ABCC1: variants seen among roughly 807,000 people sequenced by gnomAD.
The protein encoded by ABCC1 is ATP binding cassette subfamily C member 1 (ABCC1 blood group).
Under a neutral mutation model 172.9 loss-of-function variants are expected in ABCC1, and 83 were observed. The observed-to-expected ratio is 0.48, with a 90% CI of 0.40 to 0.58. ABCC1 has a LOEUF of 0.58. ABCC1 is among the 20% of genes least tolerant of loss of function. The pLI, the probability that ABCC1 is intolerant of heterozygous loss-of-function variation, is 0.00. For missense variants in ABCC1, 1,817 were observed against 2,002.7 expected (o/e 0.91, Z 1.77); for synonymous variants, 937 against 825.2 (o/e 1.14, Z -2.32).
At chr16:16,004,323 T>C (rs1281666758) in intron 1 of ABCC1, among the ~76,000 whole-genome samples, 2 of 152,168 alleles carry the variant, frequency 1.3e-5, no homozygotes, top group African/African-American at 4.8e-5. Context: ...CATAACTGCA[T>C]ATGTCAAGTC....
chr16:16,083,442 A>G lies in ABCC1; in HGVS notation c.2192A>G (p.Gln731Arg). 1 of 1,613,982 alleles carries G rather than the reference A, an allele frequency of 6.2e-7. No individual in the cohort carries two copies. The highest frequency in any genetic ancestry group is 8.5e-7 in the Non-Finnish European group (1 of 1,180,042). ...SLRENILFGC[Q>R]LEEPYYRSVI... Reference sequence around the variant, plus strand: ...CGAGAAAACATCCTTTTTGGATGTCAGCTGGAGGAACCATATTACAGGTCC... The same window carrying G: ...CGAGAAAACATCCTTTTTGGATGTCGGCTGGAGGAACCATATTACAGGTCC... Residue 731 changes from glutamine (Q) to arginine (R), a missense_variant, in exon 17 of 31, where the codon CAG becomes CGG. Coordinates refer to ENST00000399410, the MANE Select transcript of ABCC1 (RefSeq NM_004996.4).
intron 11 of ABCC1, among the ~76,000 whole-genome samples, chr16:16,053,662 C>T (rs1311016970): frequency 6.6e-6 from 1 of 151,168 alleles, no homozygotes; most frequent in East Asian, 1.9e-4. Context: ...TGATGCGTGC[C>T]TGTAGTCCCA....
At chr16:16,060,949 TG>T (rs1428144698) in intron 12 of ABCC1, among the ~76,000 whole-genome samples, 1 of 152,166 alleles carries the variant, frequency 6.6e-6, no homozygotes, top group African/African-American at 2.4e-5. Context: ...CCTGAGTAGC[TG>T]GGATTACAGG....
At chr16:15,949,411 G>A (rs2045796194), upstream of ABCC1, among the ~76,000 whole-genome samples, 1 of 151,724 alleles carries the variant, frequency 6.6e-6, no homozygotes, top group Admixed American at 6.6e-5. Flanking sequence ...GCGAGCGGGT[G>A]GGCCTAAGCC....
At chr16:15,972,432 G>T (rs537804194) in intron 1 of ABCC1, among the ~76,000 whole-genome samples, 7 of 152,294 alleles carry the variant, frequency 4.6e-5, no homozygotes, top group Non-Finnish European at 1.0e-4. Context: ...GTGATGCAGG[G>T]TTGTTAGGAC....
Position 16,091,314 on chromosome 16 carries a change from C to T in ABCC1, c.2644+726C>T, listed in dbSNP as rs192157488. On this transcript the variant is annotated intron_variant, in intron 19 of 30. Coordinates refer to ENST00000399410, the MANE Select transcript of ABCC1 (RefSeq NM_004996.4). ...GCACAGTGGCTCACGCCTGTAATCC[C>T]AGCACTTTGGGAGGCCGTGGTGGGT... 1.8e-4 allele frequency among the ~76,000 whole-genome samples: 27 copies of T among 150,136 alleles called. No individual in the cohort carries two copies. In the East Asian group the frequency reaches 5.3e-3, roughly 29 times the overall value.
intron 26 of ABCC1, among the ~76,000 whole-genome samples, chr16:16,131,282 T>C (rs1055468504): frequency 6.6e-6 from 1 of 152,250 alleles, no homozygotes; most frequent in African/African-American, 2.4e-5. Flanking sequence ...AAGGTATCTC[T>C]GACCTACTGA....
chr16:15,983,272 G>C (rs2046669283), intron 1 of ABCC1, among the ~76,000 whole-genome samples: 1 of 152,142 alleles, frequency 6.6e-6, no homozygotes, highest in Admixed American at 6.5e-5. Flanking sequence ...CAAAGGCCCT[G>C]AGTCATGAAG....
At chr16:15,983,094 T>A (rs2046664845) in intron 1 of ABCC1, among the ~76,000 whole-genome samples, 1 of 152,048 alleles carries the variant, frequency 6.6e-6, no homozygotes, top group African/African-American at 2.4e-5. Context: ...CAGTACAAAG[T>A]ACCATGAAGT....
chr16:16,113,768 C>G (rs2044727801), intron 22 of ABCC1, among the ~76,000 whole-genome samples: 1 of 152,224 alleles, frequency 6.6e-6, no homozygotes, highest in African/African-American at 2.4e-5. Flanking sequence ...ACAGCGATCC[C>G]TAGCCTTTTT....
chr16:16,071,554 C>A, intron 13 of ABCC1, 88 bp from the exon 14 acceptor site: 1 of 1,108,422 alleles, frequency 9.0e-7, no homozygotes, highest in South Asian at 1.4e-5. Context: ...CCCTCCACAC[C>A]TGGGGAAACC....
At position 16,090,546 on chromosome 16, in the gene ABCC1, A is replaced by T. The variant is rs769133677; in HGVS notation, c.2602A>T (p.Thr868Ser). ...RDGAFAEFLR[T>S]YASTEQEQDA... ...CGGCGCCTTCGCTGAGTTCCTGCGT[A>T]CCTATGCCAGCACAGAGCAGGAGCA... is the stretch of plus-strand genomic sequence containing the variant. The change falls in exon 19 of 31, where the codon ACC (threonine) becomes TCC (serine). Residue 868 changes from threonine (T) to serine (S), a missense_variant. Coordinates refer to ENST00000399410, the MANE Select transcript of ABCC1 (RefSeq NM_004996.4). 2.1e-5 allele frequency: 34 copies of T among 1,613,222 alleles called. No homozygotes were observed. Among genetic ancestry groups the T allele is most frequent in the Non-Finnish European group, 2.7e-5 (32 of 1,179,542 alleles).
intron 10 of ABCC1, 87 bp downstream of exon 10, chr16:16,048,390 A>T: frequency 6.6e-7 from 1 of 1,506,776 alleles, no homozygotes; most frequent in African/African-American, 1.4e-5. Flanking sequence ...GTTGATGGTA[A>T]TGGCATGTAG....
intron 1 of ABCC1, among the ~76,000 whole-genome samples, chr16:15,998,354 T>C (rs215068): frequency 0.59 from 89,573 of 151,780 alleles, 28,564 homozygotes; most frequent in Non-Finnish European, 0.71. Context: ...CTTGAACTCC[T>C]GAGCTCAAGC....
chr16:16,039,415 A>T (rs1350695500), intron 7 of ABCC1, among the ~76,000 whole-genome samples: 2 of 150,926 alleles, frequency 1.3e-5, no homozygotes, highest in Non-Finnish European at 3.0e-5. Flanking sequence ...TTACAGGTGC[A>T]TGCCACCACG....
intron 1 of ABCC1, among the ~76,000 whole-genome samples, chr16:15,981,068 C>T (rs369696857): frequency 6.6e-6 from 1 of 152,218 alleles, no homozygotes; most frequent in South Asian, 2.1e-4. Flanking sequence ...CTCCATGTCT[C>T]ACATCCAGGT....
rs1329987792 is a variant in ABCC1 at position 16,114,992 on chromosome 16, T to G, written c.3306T>G (p.Ile1102Met). ...TCATGGGCTCCCTGTTCAACGTCAT[T>G]GGTGCCTGCATCGTTATCCTGCTGG... ...KMFMGSLFNV[I>M]GACIVILLAT... Residue 1102 changes from isoleucine to methionine, a missense_variant, in exon 23 of 31, where the codon ATT becomes ATG. By Grantham distance (10) the Ile-to-Met change is conservative (BLOSUM62 1). Around this residue, in one of 3 missense-constraint regions of ABCC1, gnomAD observed 1,412 missense variants for 1,600.3 expected, o/e 0.88. Transcript: ENST00000399410. The G allele has an allele frequency of 5.6e-6, 9 of 1,614,070 alleles. No homozygotes were observed. In the East Asian group the frequency reaches 2.0e-4, roughly 36 times the overall value.
intron 12 of ABCC1, among the ~76,000 whole-genome samples, chr16:16,057,303 G>C (rs1251553903): frequency 6.6e-6 from 1 of 150,680 alleles, no homozygotes; most frequent in Non-Finnish European, 1.5e-5. Context: ...AGGTTGCAGT[G>C]AGCCGAGATC....
At chr16:16,106,940 C>T in intron 21 of ABCC1, 67 bp downstream of exon 21, 1 of 1,599,002 alleles carries the variant, frequency 6.3e-7, no homozygotes, top group Non-Finnish European at 8.5e-7. Context: ...GCACTGGGCA[C>T]TGTGCAAAGT....
Sources: allele counts gnomAD v4.1 joint callset (sites outside exome capture counted in the v4.1 genomes callset), GRCh38; gene constraint gnomAD v4.1.1; regional missense constraint gnomAD v4.1.1; transcripts MANE v1.5; gene names NCBI Gene and HGNC (gene_info 2026-07-23, HGNC 2026-07-21).